Variants in INTS15 observed in about 807,000 individuals in gnomAD.
INTS15 encodes the protein integrator complex subunit 15.
chr7:6,596,617 G>A, the INTS15 span, among the ~76,000 whole-genome samples: 1 of 151,580 alleles, frequency 6.6e-6, no homozygotes, highest in African/African-American at 2.4e-5. Context: ...GACCTCAGAT[G>A]ATCCACCTGG....
the INTS15 span, chr7:6,607,401 C>T: frequency 2.0e-6 from 1 of 490,040 alleles, no homozygotes. This position sits in a 1 kb window ranked among gnomAD's most constrained non-coding sequence, Gnocchi z 6.0. Context: ...GGGTGGGTGC[C>T]CAAGAGTGGG....
the INTS15 span, among the ~76,000 whole-genome samples, chr7:6,607,247 G>C: frequency 6.6e-6 from 1 of 152,132 alleles, no homozygotes; most frequent in Non-Finnish European, 1.5e-5. The surrounding 1 kb of genome is among the most constrained non-coding windows in gnomAD (Gnocchi z 6.0). Context: ...GAGGATTCCA[G>C]GAAGTGCGGG....
the INTS15 span, among the ~76,000 whole-genome samples, chr7:6,598,789 T>TG: frequency 5.4e-4 from 22 of 41,080 alleles, no homozygotes; most frequent in Non-Finnish European, 6.8e-4. Flanking sequence ...GTGTGTGTAT[T>TG]TTTTTTTTTT....
chr7:6,602,537 C>T, the INTS15 span: 4 of 391,032 alleles, frequency 1.0e-5, no homozygotes, highest in East Asian at 7.2e-5. Flanking sequence ...TCAGGCGGCA[C>T]GGACCTGGGT....
chr7:6,598,735 T>TTGTGTGTGTGTGTGTGTGTGTG, the INTS15 span, among the ~76,000 whole-genome samples: 30 of 83,618 alleles, frequency 3.6e-4, no homozygotes, highest in Admixed American at 1.2e-3. Flanking sequence ...GCTGTATGCT[T>TTGTGTGTGTGTGTGTGTGTGTG]TGTGTGTGTG....
the INTS15 span, among the ~76,000 whole-genome samples, chr7:6,597,180 C>T: frequency 2.0e-5 from 3 of 152,150 alleles, no homozygotes; most frequent in African/African-American, 7.2e-5. Flanking sequence ...GATTTCCCTT[C>T]TCTCTCCTCC....
the INTS15 span, chr7:6,590,275 G>C: frequency 7.9e-6 from 12 of 1,517,938 alleles, no homozygotes; most frequent in African/African-American, 1.4e-5. Flanking sequence ...GGGCCGCGGC[G>C]GCCGCACCAT....
the INTS15 span, chr7:6,607,489 C>T: frequency 7.8e-7 from 1 of 1,285,618 alleles, no homozygotes; most frequent in Non-Finnish European, 1.0e-6. The surrounding 1 kb of genome is among the most constrained non-coding windows in gnomAD (Gnocchi z 6.0). Flanking sequence ...TGGGTCCAGG[C>T]CTGGGCCGTC....
chr7:6,599,662 T>G, the INTS15 span, among the ~76,000 whole-genome samples: 1 of 152,098 alleles, frequency 6.6e-6, no homozygotes, highest in Non-Finnish European at 1.5e-5. Flanking sequence ...GTCCCCCTGG[T>G]GTGGATGTTC....
the INTS15 span, among the ~76,000 whole-genome samples, chr7:6,592,317 G>T: frequency 6.6e-6 from 1 of 151,970 alleles, no homozygotes; most frequent in African/African-American, 2.4e-5. Context: ...TGTAATCCCA[G>T]CACTTTGGGA....
chr7:6,604,234 A>G, the INTS15 span, among the ~76,000 whole-genome samples: 1 of 152,172 alleles, frequency 6.6e-6, no homozygotes. Flanking sequence ...GCGCCACCAC[A>G]GCAGGCTGAT....
At chr7:6,600,506 G>A in the INTS15 span, 9 of 814,368 alleles carry the variant, frequency 1.1e-5, no homozygotes, top group African/African-American at 3.5e-5. Context: ...CCCCAGCCGT[G>A]CCCCCTGCAT....
At chr7:6,607,003 G>A in the INTS15 span, among the ~76,000 whole-genome samples, 1 of 152,142 alleles carries the variant, frequency 6.6e-6, no homozygotes, top group African/African-American at 2.4e-5. This position sits in a 1 kb window ranked among gnomAD's most constrained non-coding sequence, Gnocchi z 6.0. Flanking sequence ...CCGGCCAAGA[G>A]AGGTTCTGAC....
At chr7:6,606,197 T>G in the INTS15 span, among the ~76,000 whole-genome samples, 1 of 152,192 alleles carries the variant, frequency 6.6e-6, no homozygotes, top group South Asian at 2.1e-4. Context: ...CCAGGGTTAT[T>G]TAATAGTAGT....
At chr7:6,604,738 C>T in the INTS15 span, among the ~76,000 whole-genome samples, 1 of 152,202 alleles carries the variant, frequency 6.6e-6, no homozygotes, top group Non-Finnish European at 1.5e-5. Context: ...TGGTCCACAG[C>T]CTGCAGAGGA....
At chr7:6,606,361 C>G in the INTS15 span, among the ~76,000 whole-genome samples, 13 of 149,386 alleles carry the variant, frequency 8.7e-5, no homozygotes, top group Admixed American at 8.7e-4. Flanking sequence ...AGACCAGCCC[C>G]TTGATGGAGT....
At chr7:6,608,172 G>T in the INTS15 span, 82 of 1,553,300 alleles carry the variant, frequency 5.3e-5, no homozygotes, top group African/African-American at 1.0e-3. Context: ...GCTGGCCCGT[G>T]TGTGCCTTCT....
chr7:6,593,019 T>A, the INTS15 span, among the ~76,000 whole-genome samples: 1 of 152,204 alleles, frequency 6.6e-6, no homozygotes. Flanking sequence ...TAGCAGCTGT[T>A]AATTTTTACC....
the INTS15 span, chr7:6,600,180 A>G: frequency 1.9e-5 from 30 of 1,614,076 alleles, no homozygotes; most frequent in Non-Finnish European, 2.5e-5. Flanking sequence ...AAGAATCTGT[A>G]TGGGCGCCTG....
Sources: allele counts gnomAD v4.1 joint callset (sites outside exome capture counted in the v4.1 genomes callset), GRCh38; gene constraint gnomAD v4.1.1; non-coding constraint Gnocchi (gnomAD v3.1); transcripts MANE v1.5; gene names NCBI Gene and HGNC (gene_info 2026-07-23, HGNC 2026-07-21).